Variants in OPCML observed in about 807,000 individuals in gnomAD.
OPCML encodes opioid binding protein/cell adhesion molecule like, also known as opioid-binding protein/cell adhesion molecule.
A neutral mutation model predicts 37.8 loss-of-function variants in OPCML; 13 were observed. The observed-to-expected ratio is 0.34, with a 90% CI of 0.22 to 0.55. The LOEUF (loss-of-function observed/expected upper bound fraction) is 0.55, where lower values mean the gene tolerates loss of function less well. OPCML is among the 20% of genes least tolerant of loss of function. The pLI is 0.91. For missense variants in OPCML, 341 were observed against 435.6 expected, an observed-to-expected ratio of 0.78 and a Z score of 1.93; for synonymous variants, 176 against 168.8, an observed-to-expected ratio of 1.04 and a Z score of -0.33.
intron 1 of OPCML, among the ~76,000 whole-genome samples, chr11:133,407,597 G>A (rs924242263): frequency 2.6e-5 from 4 of 152,058 alleles, no homozygotes; most frequent in Non-Finnish European, 5.9e-5. Context: ...CAAAAGATGG[G>A]TTGCCACCCA....
intron 1 of OPCML, among the ~76,000 whole-genome samples, chr11:133,282,029 A>G (rs1942172148): frequency 6.6e-6 from 1 of 152,138 alleles, no homozygotes; most frequent in Non-Finnish European, 1.5e-5. Flanking sequence ...AACAACAAAA[A>G]AAAACTTAAA....
intron 1 of OPCML, among the ~76,000 whole-genome samples, chr11:133,126,775 T>C (rs1262950333): frequency 6.6e-6 from 1 of 152,046 alleles, no homozygotes; most frequent in Non-Finnish European, 1.5e-5. Context: ...TACACAAAGA[T>C]ACTGGGCCTG....
chr11:133,476,373 T>G (rs1044556147), intron 1 of OPCML, among the ~76,000 whole-genome samples: 2 of 105,512 alleles, frequency 1.9e-5, no homozygotes, highest in Non-Finnish European at 4.4e-5. Flanking sequence ...CTACATACAC[T>G]TTTTGTACTC....
intron 1 of OPCML, among the ~76,000 whole-genome samples, chr11:133,168,744 A>C (rs982814720): frequency 4.6e-5 from 7 of 152,192 alleles, no homozygotes; most frequent in Non-Finnish European, 8.8e-5. Context: ...GCATGCCCTA[A>C]TTACGGACAC....
At chr11:132,647,045 T>C (rs1296767323) in intron 3 of OPCML, among the ~76,000 whole-genome samples, 1 of 152,214 alleles carries the variant, frequency 6.6e-6, no homozygotes, top group African/African-American at 2.4e-5. Context: ...CAACCTGACC[T>C]GACACAGAAA....
intron 1 of OPCML, among the ~76,000 whole-genome samples, chr11:133,216,778 A>G (rs1417887577): frequency 1.3e-5 from 2 of 152,244 alleles, no homozygotes; most frequent in Non-Finnish European, 2.9e-5. Context: ...ACATTCATGC[A>G]TATGAACAAA....
chr11:133,198,914 C>G (rs1174148362), intron 1 of OPCML, among the ~76,000 whole-genome samples: 1 of 152,162 alleles, frequency 6.6e-6, no homozygotes, highest in African/African-American at 2.4e-5. Flanking sequence ...TCCCTAAATC[C>G]ATCTCTGTAT....
At chr11:132,480,174 A>C (rs535578519) in intron 4 of OPCML, among the ~76,000 whole-genome samples, 4 of 152,340 alleles carry the variant, frequency 2.6e-5, no homozygotes, top group African/African-American at 9.6e-5. Context: ...AAGTGCTTAA[A>C]GGAGCTGATG....
intron 4 of OPCML, among the ~76,000 whole-genome samples, chr11:132,482,580 A>G (rs896001327): frequency 6.6e-6 from 1 of 152,254 alleles, no homozygotes; most frequent in South Asian, 2.1e-4. Flanking sequence ...TGAGTCCAGC[A>G]TCATTCTGAT....
intron 3 of OPCML, among the ~76,000 whole-genome samples, chr11:132,597,299 C>T (rs1199943588): frequency 1.3e-5 from 2 of 152,158 alleles, no homozygotes; most frequent in African/African-American, 4.8e-5. Flanking sequence ...CATATTTTCT[C>T]ATTGTTGAAT....
intron 1 of OPCML, among the ~76,000 whole-genome samples, chr11:133,349,897 A>C (rs1944090609): frequency 6.6e-6 from 1 of 152,210 alleles, no homozygotes. Context: ...TCTTCCCTGT[A>C]CCCTGGCCTC....
chr11:132,714,579 A>G (rs1364944779), intron 2 of OPCML, among the ~76,000 whole-genome samples: 1 of 135,802 alleles, frequency 7.4e-6, no homozygotes, highest in Non-Finnish European at 1.5e-5. Context: ...TATCATTGAT[A>G]AATCTTGACT....
At chr11:132,969,765 T>C (rs773957513) in intron 1 of OPCML, among the ~76,000 whole-genome samples, 1 of 152,232 alleles carries the variant, frequency 6.6e-6, no homozygotes, top group Non-Finnish European at 1.5e-5. Flanking sequence ...TTGCTTCTTT[T>C]GGGGCTCAAT....
intron 2 of OPCML, among the ~76,000 whole-genome samples, chr11:132,815,040 C>T (rs1939551298): frequency 6.6e-6 from 1 of 152,160 alleles, no homozygotes; most frequent in Admixed American, 6.5e-5. Context: ...AGCTTAGTTT[C>T]ATTTCTTACC....
chr11:133,385,910 TTC>T lies in OPCML; in HGVS notation c.61+146352_61+146353del, dbSNP rs553464402. Reference sequence around the variant, plus strand: ...TTTACAAAGCAGAAATCCAGATGTTTTCTCTTTTTTTCTCTCTAAACATCAAA... The same window carrying T: ...TTTACAAAGCAGAAATCCAGATGTTTTCTTTTTTTCTCTCTAAACATCAAA... On this transcript the variant is annotated intron_variant, in intron 1 of 7. Transcript: ENST00000524381. 3.9e-3 allele frequency among the ~76,000 whole-genome samples: 592 copies of T among 151,898 alleles called. 5 individuals carry two copies. The highest frequency in any genetic ancestry group is 6.1e-3 in the Non-Finnish European group (411 of 67,792).
chr11:133,049,995 T>G (rs75164010), intron 1 of OPCML, among the ~76,000 whole-genome samples: 1 of 152,202 alleles, frequency 6.6e-6, no homozygotes, highest in Admixed American at 6.5e-5. Context: ...CCCTCACCAG[T>G]TGACTTTAAA....
intron 4 of OPCML, among the ~76,000 whole-genome samples, chr11:132,440,442 G>A (rs772431042): frequency 6.6e-6 from 1 of 152,098 alleles, no homozygotes; most frequent in Non-Finnish European, 1.5e-5. Context: ...CTGGGCCGGG[G>A]CCCCCACCCT....
chr11:133,455,090 G>A (rs1369765015), intron 1 of OPCML, among the ~76,000 whole-genome samples: 4 of 151,896 alleles, frequency 2.6e-5, no homozygotes, highest in Non-Finnish European at 5.9e-5. Flanking sequence ...CTCATTAATC[G>A]AAGCTCCAAG....
intron 4 of OPCML, among the ~76,000 whole-genome samples, chr11:132,495,970 A>G (rs935587529): frequency 6.6e-5 from 10 of 152,102 alleles, no homozygotes; most frequent in African/African-American, 2.4e-4. Flanking sequence ...TTTACTGATC[A>G]TGGATTTTGT....
Sources: gnomAD v4.1 joint callset for allele counts (sites outside exome capture counted in the v4.1 genomes callset) on GRCh38, gnomAD v4.1.1 for gene constraint, MANE v1.5 for transcripts, NCBI Gene and HGNC (gene_info 2026-07-23, HGNC 2026-07-21) for gene names.